Variants in PCDHA1 observed in about 807,000 individuals in gnomAD.
PCDHA1 encodes the protein protocadherin alpha 1.
Under a neutral mutation model 61.3 loss-of-function variants are expected in PCDHA1, and 42 were observed. That is an observed-to-expected ratio of 0.69 (90% CI 0.54 to 0.89). The LOEUF (loss-of-function observed/expected upper bound fraction) is 0.89, where lower values mean the gene tolerates loss of function less well. PCDHA1 is among the 40% of genes least tolerant of loss of function. The pLI is 0.00. For missense variants in PCDHA1, 1,256 were observed against 1,235.3 expected, an observed-to-expected ratio of 1.02 and a Z score of -0.25; for synonymous variants, 610 against 553.8, an observed-to-expected ratio of 1.10 and a Z score of -1.43.
At chr5:140,823,585 G>T in intron 1 of PCDHA1, 1 of 1,614,018 alleles carries the variant, frequency 6.2e-7, no homozygotes, top group Non-Finnish European at 8.5e-7. Flanking sequence ...GGGCTACAAC[G>T]CTTGGCTTTC....
At chr5:140,834,869 C>T (rs782789738) in intron 1 of PCDHA1, 1 of 1,609,230 alleles carries the variant, frequency 6.2e-7, no homozygotes, top group Non-Finnish European at 8.5e-7. Flanking sequence ...ATGCAGATAT[C>T]GGGGAGAACG....
At position 140,787,866 on chromosome 5, in the gene PCDHA1, G is replaced by C; in HGVS notation, c.1576G>C (p.Glu526Gln). ...GTACGCACTGCAGCCCCTGGACCAC[G>C]AGGAGCTGGAGCTGCTGCAGTTCCA... ...KVYALQPLDHEELELLQFQVS... is the reference protein window; with the variant it reads ...KVYALQPLDHQELELLQFQVS... The change falls in exon 1 of 4, where the codon GAG (glutamate) becomes CAG (glutamine). Residue 526 changes from glutamate (E) to glutamine (Q), a missense_variant. Coordinates refer to ENST00000504120, the MANE Select transcript of PCDHA1 (RefSeq NM_018900.4). 6.2e-7 allele frequency: 1 copy of C among 1,613,112 alleles called. No homozygotes were observed. Among genetic ancestry groups the C allele is most frequent in the Non-Finnish European group, 8.5e-7 (1 of 1,179,848 alleles).
intron 1 of PCDHA1, chr5:140,863,395 G>A: frequency 1.1e-6 from 1 of 921,404 alleles, no homozygotes; most frequent in Non-Finnish European, 1.7e-6. Flanking sequence ...GTGCATGCCG[G>A]GCAAGCCCAC....
chr5:140,985,739 C>CTTTTT (rs11372071), intron 3 of PCDHA1, among the ~76,000 whole-genome samples: 4 of 117,922 alleles, frequency 3.4e-5, no homozygotes, highest in East Asian at 2.5e-4. Flanking sequence ...TGATGAATTC[C>CTTTTT]TTTTTTTTTT....
intron 1 of PCDHA1, chr5:140,796,286 T>A (rs1241984619): frequency 6.2e-7 from 1 of 1,614,152 alleles, no homozygotes; most frequent in East Asian, 2.2e-5. Context: ...ACCACCAGCG[T>A]GTCCATCGAG....
chr5:140,862,460 A>G (rs1554156366), intron 1 of PCDHA1: 2 of 368,076 alleles, frequency 5.4e-6, no homozygotes, highest in African/African-American at 2.1e-5. Context: ...CCCTGGACCA[A>G]GAGAGCAAAT....
intron 1 of PCDHA1, chr5:140,853,408 AG>A: frequency 1.0e-6 from 1 of 986,092 alleles, no homozygotes; most frequent in Middle Eastern, 5.3e-4. Flanking sequence ...CAAAACAGAG[AG>A]GTGAAAGCAG....
intron 1 of PCDHA1, among the ~76,000 whole-genome samples, chr5:140,844,413 A>C (rs1581068328): frequency 6.7e-6 from 1 of 149,462 alleles, no homozygotes; most frequent in South Asian, 2.1e-4. Flanking sequence ...ATTTGGAGAC[A>C]TGTTTTTTAT....
In PCDHA1 at chr5:140,788,324, G is replaced by C. The variant is rs562110007; in HGVS notation, c.2034G>C (p.Ala678=). The change falls in exon 1 of 4, where the codon GCG becomes GCC. Residue 678 remains alanine (A), a synonymous_variant. Coordinates refer to ENST00000504120, the MANE Select transcript of PCDHA1 (RefSeq NM_018900.4). ...TGGAGAGCGGCCAGGCGCCAAAGGC[G>C]TCTTCGCGGGCGTCGGTGGGTGTCG... ...SLVESGQAPK[A]SSRASVGVAG... 6.2e-7 allele frequency: 1 copy of C among 1,613,964 alleles called. No individual in the cohort carries two copies. Among genetic ancestry groups the C allele is most frequent in the Non-Finnish European group, 8.5e-7 (1 of 1,179,952 alleles).
At chr5:140,959,570 T>C (rs1324858058) in intron 1 of PCDHA1, among the ~76,000 whole-genome samples, 1 of 152,184 alleles carries the variant, frequency 6.6e-6, no homozygotes. Context: ...ACTAGATTTT[T>C]TGTTTCAATT....
At chr5:140,835,189 T>C in intron 1 of PCDHA1, 2 of 1,537,800 alleles carry the variant, frequency 1.3e-6, no homozygotes, top group Non-Finnish European at 8.8e-7. Flanking sequence ...GCCTCAGATT[T>C]AGACGAAGGC....
intron 1 of PCDHA1, chr5:140,797,288 G>C (rs782008219): frequency 1.4e-5 from 23 of 1,614,108 alleles, no homozygotes; most frequent in Middle Eastern, 1.6e-4. Context: ...TTCAGCCCTA[G>C]CTTATCTCAA....
At chr5:140,982,202 G>A (rs2096970508) in intron 2 of PCDHA1, 2 of 405,606 alleles carry the variant, frequency 4.9e-6, no homozygotes, top group Non-Finnish European at 8.1e-6. Context: ...GTTAGATTTA[G>A]TGAGCGCCAC....
chr5:140,796,621 G>T (rs1762111755), intron 1 of PCDHA1: 1 of 1,611,868 alleles, frequency 6.2e-7, no homozygotes, highest in Admixed American at 1.7e-5. Flanking sequence ...GACGCTGCAG[G>T]TGTTCGTGCT....
At chr5:140,808,788 A>G in intron 1 of PCDHA1, 1 of 1,612,558 alleles carries the variant, frequency 6.2e-7, no homozygotes. Flanking sequence ...CTGCAGTTTC[A>G]GGTGACCGCT....
At chr5:140,982,318 G>A (rs2096977750) in intron 2 of PCDHA1, 157 bp from the exon 3 acceptor site, 3 of 1,356,910 alleles carry the variant, frequency 2.2e-6, no homozygotes, top group Non-Finnish European at 2.9e-6. Context: ...AGTTTATGCA[G>A]GGTGACTGCT....
At chr5:140,839,108 A>G (rs1047759109) in intron 1 of PCDHA1, among the ~76,000 whole-genome samples, 1 of 151,988 alleles carries the variant, frequency 6.6e-6, no homozygotes, top group Non-Finnish European at 1.5e-5. Context: ...ATTATTTACC[A>G]TTAAGCCATA....
intron 1 of PCDHA1, chr5:140,884,015 C>T: frequency 6.2e-7 from 1 of 1,613,158 alleles, no homozygotes. Flanking sequence ...GCTGATGCCG[C>T]GGTCGGTGGG....
chr5:140,847,831 C>T (rs2150404458), intron 1 of PCDHA1: 1 of 149,692 alleles, frequency 6.7e-6, no homozygotes, highest in East Asian at 1.9e-4. Flanking sequence ...AAGAAAACTA[C>T]CTCAGTTGGT....
Sources: gnomAD v4.1 joint callset for allele counts (sites outside exome capture counted in the v4.1 genomes callset) on GRCh38, gnomAD v4.1.1 for gene constraint, MANE v1.5 for transcripts, NCBI Gene and HGNC (gene_info 2026-07-23, HGNC 2026-07-21) for gene names.